Variants in SLC30A2 observed in about 807,000 individuals in gnomAD.
SLC30A2 encodes proton-coupled zinc antiporter SLC30A2.
A neutral mutation model predicts 39.6 loss-of-function variants in SLC30A2; 19 were observed. The ratio of observed to expected loss-of-function variants is 0.48; its 90% CI spans 0.34 to 0.70. The LOEUF (loss-of-function observed/expected upper bound fraction) is 0.70. SLC30A2 is among the 30% of genes least tolerant of loss of function. The pLI is 0.01. For synonymous variants in SLC30A2, 195 were observed against 194.8 expected (o/e 1.00, Z -0.01); for missense variants, 387 against 479.4 (o/e 0.81, Z 1.80).
rs187910480 is a variant in SLC30A2 at position 26,040,537 on chromosome 1, C to T, written c.839-626G>A. ...GTGCTGGGATTACAGGTGTGAGCCA[C>T]CGCACCTGGCCAATAAATATATTTT... On this transcript the variant is annotated intron_variant, in intron 6 of 7. Coordinates refer to ENST00000374276, the MANE Select transcript of SLC30A2 (RefSeq NM_001004434.3). 1.3e-4 allele frequency among the ~76,000 whole-genome samples: 20 copies of T among 152,248 alleles called. No homozygotes were observed. The East Asian group carries it at 3.7e-3, about 28-fold the overall frequency.
At chr1:26,042,762 C>T in intron 4 of SLC30A2, 54 bp from the exon 5 acceptor site, 2 of 1,538,932 alleles carry the variant, frequency 1.3e-6, no homozygotes, top group Non-Finnish European at 1.8e-6. Flanking sequence ...ATGGAGGTCA[C>T]CTATTAGGAC....
At chr1:26,042,772 C>T in intron 4 of SLC30A2, 64 bp from the exon 5 acceptor site, 2 of 1,486,656 alleles carry the variant, frequency 1.3e-6, no homozygotes, top group Non-Finnish European at 1.9e-6. Context: ...CCTATTAGGA[C>T]TAGCCAACTT....
Position 26,039,703 on chromosome 1 carries a change from TG to T in SLC30A2, c.973+73del. ...GGCACTGTGAGCATCTGGGGTCACC[TG>T]GACCCGTTGGGGATGGCACTAGGCC... is the stretch of plus-strand genomic sequence containing the variant. On this transcript the variant is annotated intron_variant, in intron 7 of 7. Transcript: ENST00000374276. This position sits in a 1 kb window ranked among gnomAD's most constrained non-coding sequence, Gnocchi z 4.3. The T allele has an allele frequency of 6.6e-7, 1 of 1,516,770 alleles. No individual in the cohort carries two copies. The highest frequency in any genetic ancestry group is 9.0e-7 in the Non-Finnish European group (1 of 1,113,750). The allele number at this position is 1,516,770 out of a possible 1,614,324, so 94.0% of individuals were successfully genotyped here.
chr1:26,045,564 T>A (rs1266995686), intron 1 of SLC30A2: 4 of 614,994 alleles, frequency 6.5e-6, no homozygotes, highest in Non-Finnish European at 1.1e-5. Context: ...GGGGCGGGGC[T>A]GCCTGGGGCA....
Position 26,043,505 on chromosome 1 carries a change from C to G in SLC30A2, c.465G>C (p.Thr155=), listed in dbSNP as rs537043440. Residue 155 remains threonine (T), a synonymous_variant, in exon 4 of 8, where the codon ACG becomes ACC. Transcript: ENST00000374276. The part of the protein sequence containing the change: ...LVSVLSIWVV[T]GVLVYLAVER... ...CCACAGCCAGGTACACCAGTACCCC[C>G]GTCACGACCCAGATGGACAGTACAG... The G allele has an allele frequency of 5.6e-5, 90 of 1,613,924 alleles. 2 individuals are homozygous for G. In the East Asian group the frequency reaches 1.9e-3, roughly 35 times the overall value.
In SLC30A2 at chr1:26,042,587, T is replaced by A. The variant is rs144129605; in HGVS notation, c.694A>T (p.Met232Leu). The change falls in exon 5 of 8, where the codon ATG (methionine) becomes TTG (leucine). Residue 232 changes from methionine to leucine, a missense_variant. By Grantham distance (15) the Met-to-Leu change is conservative. Coordinates refer to ENST00000374276, the MANE Select transcript of SLC30A2 (RefSeq NM_001004434.3). ...IHVIGDFMQS[M>L]GVLVAAYILY... ...ATATAGGCTGCCACTAGGACACCCA[T>A]GCTCTGCATAAAGTCGCCGATCACA... 3 of 1,614,194 alleles carry A rather than the reference T, an allele frequency of 1.9e-6. No homozygotes were observed. The highest frequency in any genetic ancestry group is 2.5e-6 in the Non-Finnish European group (3 of 1,180,016).
intron 6 of SLC30A2, 100 bp downstream of exon 6, chr1:26,041,600 C>T (rs551841355): frequency 6.8e-6 from 5 of 733,248 alleles, no homozygotes; most frequent in African/African-American, 1.8e-5. Flanking sequence ...CCTGGCTCCC[C>T]GCCCATGTGC....
At position 26,045,926 on chromosome 1, in the gene SLC30A2, G is replaced by T. The variant is rs958015775; in HGVS notation, c.-30C>A. On this transcript the variant is annotated 5_prime_UTR_variant, in exon 1 of 8. Transcript: ENST00000374276. ...TCCCGCGCCGAGTCCCGGCAGCCGC[G>T]CAGCCGCCCCGCCGAGTGCGCCCTG... 3.7e-6 allele frequency: 6 copies of T among 1,605,668 alleles called. No individual in the cohort carries two copies. In the Admixed American group the frequency reaches 1.0e-4, roughly 27 times the overall value.
At position 26,042,675 on chromosome 1, in the gene SLC30A2, C is replaced by T; in HGVS notation, c.606G>A (p.Gly202=). Residue 202 remains glycine, a synonymous_variant, in exon 5 of 8, where the codon GGG becomes GGA. Coordinates refer to ENST00000374276, the MANE Select transcript of SLC30A2 (RefSeq NM_001004434.3). Reference sequence around the variant, plus strand: ...GCTGGTTGGTGGTGCCGTGGCTGTGCCCATGGCCAGACTGGTGAAGGGTCA... The same window carrying T: ...GCTGGTTGGTGGTGCCGTGGCTGTGTCCATGGCCAGACTGGTGAAGGGTCA... ...MGLTLHQSGH[G]HSHGTTNQQE... is the part of the protein sequence containing the mutation. The T allele has an allele frequency of 1.2e-6, 2 of 1,614,102 alleles. No individual in the cohort carries two copies. Among genetic ancestry groups the T allele is most frequent in the Non-Finnish European group, 8.5e-7 (1 of 1,179,990 alleles).
At chr1:26,040,025 T>TGAGG in intron 6 of SLC30A2, 114 bp from the exon 7 acceptor site, 1 of 1,196,934 alleles carries the variant, frequency 8.4e-7, no homozygotes, top group Non-Finnish European at 1.2e-6. Context: ...AAGACCTCTT[T>TGAGG]GGCCTGCAGG....
rs3008214 is a variant in SLC30A2 at position 26,037,273 on chromosome 1, A to T, written c.*1887T>A. 2.8e-5 allele frequency: 4 copies of T among 142,678 alleles called. No individual in the cohort carries two copies. Among genetic ancestry groups the T allele is most frequent in the African/African-American group, 8.0e-5 (3 of 37,446 alleles). The allele number at this position is 142,678 out of a possible 1,614,324, so 8.8% of individuals were successfully genotyped here. On this transcript the variant is annotated 3_prime_UTR_variant, in exon 8 of 8. Transcript: ENST00000374276. ...TTTTAAGCTGGAGTCTCGCTCTGTC[A>T]CCCAGGCTGGAGTGCAGTGGTGTGA...
At position 26,042,655 on chromosome 1, in the gene SLC30A2, T is replaced by C; in HGVS notation, c.626A>G (p.Asn209Ser). The C allele has an allele frequency of 1.2e-6, 2 of 1,614,148 alleles. No individual in the cohort carries two copies. Among genetic ancestry groups the C allele is most frequent in the Non-Finnish European group, 1.7e-6 (2 of 1,180,016 alleles). Reference protein sequence around the residue: ...SGHGHSHGTTNQQEENPSVRA... With the variant: ...SGHGHSHGTTSQQEENPSVRA... ...GACGCTGGGGTTCTCCTCCTGCTGG[T>C]TGGTGGTGCCGTGGCTGTGCCCATG... The change falls in exon 5 of 8, where the codon AAC (asparagine) becomes AGC (serine). Residue 209 changes from asparagine to serine, a missense_variant. Transcript: ENST00000374276.
At chr1:26,045,314 G>A (rs2050449111) in intron 1 of SLC30A2, 97 bp from the exon 2 acceptor site, 3 of 975,608 alleles carry the variant, frequency 3.1e-6, no homozygotes, top group Admixed American at 4.6e-5. Flanking sequence ...TGTCCACTGG[G>A]AAAAATAGCT....
intron 6 of SLC30A2, among the ~76,000 whole-genome samples, chr1:26,040,458 A>T (rs944402772): frequency 2.0e-5 from 3 of 152,096 alleles, no homozygotes; most frequent in African/African-American, 7.2e-5. Flanking sequence ...TGTGTTAGCC[A>T]GGCTGGTCTT....
In SLC30A2 at chr1:26,038,387, G is replaced by A. The variant is rs1337477058; in HGVS notation, c.*773C>T. 1.3e-5 allele frequency: 2 copies of A among 152,268 alleles called. No homozygotes were observed. The highest frequency in any genetic ancestry group is 4.8e-5 in the African/African-American group (2 of 41,446). 9.4% of individuals were successfully genotyped at this position (152,268 alleles called of 1,614,324 possible). On this transcript the variant is annotated 3_prime_UTR_variant, in exon 8 of 8. Transcript: ENST00000374276. ...GTCAGGCCAGGTAGGCAACAGAGTTGGCCCAGCCATATCTTTCTGGAGACT... is the reference window on the plus strand; with the variant it reads ...GTCAGGCCAGGTAGGCAACAGAGTTAGCCCAGCCATATCTTTCTGGAGACT...
Position 26,045,581 on chromosome 1 carries a change from T to C in SLC30A2, c.50+266A>G, listed in dbSNP as rs1004545646. On this transcript the variant is annotated intron_variant, in intron 1 of 7. Coordinates refer to ENST00000374276, the MANE Select transcript of SLC30A2 (RefSeq NM_001004434.3). ...GGCGGGGCTGCCTGGGGCAAAGTGCTGGGCGGGGCGGGACTCCAGGCATGG... is the reference window on the plus strand; with the variant it reads ...GGCGGGGCTGCCTGGGGCAAAGTGCCGGGCGGGGCGGGACTCCAGGCATGG... 19 of 640,426 alleles carry C rather than the reference T, an allele frequency of 3.0e-5. No individual in the cohort carries two copies. The Admixed American group carries it at 3.5e-4, about 12-fold the overall frequency. 39.7% of individuals were successfully genotyped at this position (640,426 alleles called of 1,614,324 possible). A position where few individuals can be genotyped will look rare whatever the true frequency, so the allele number is the denominator to read the frequency against.
At position 26,039,031 on chromosome 1, in the gene SLC30A2, C is replaced by G; in HGVS notation, c.*129G>C. ...GAAGAGCTCCATTCCTGGAGTGGGGCAGAGGTCAGGAGGGGGACCTGGTTT... is the reference window on the plus strand; with the variant it reads ...GAAGAGCTCCATTCCTGGAGTGGGGGAGAGGTCAGGAGGGGGACCTGGTTT... On this transcript the variant is annotated 3_prime_UTR_variant, in exon 8 of 8. Transcript: ENST00000374276. This position sits in a 1 kb window ranked among gnomAD's most constrained non-coding sequence, Gnocchi z 4.3. 1 of 1,454,138 alleles carries G rather than the reference C, an allele frequency of 6.9e-7. No individual in the cohort carries two copies. Among genetic ancestry groups the G allele is most frequent in the Non-Finnish European group, 9.1e-7 (1 of 1,100,920 alleles). The allele number at this position is 1,454,138 out of a possible 1,614,324, so 90.1% of individuals were successfully genotyped here.
At chr1:26,042,461 A>T in intron 5 of SLC30A2, 88 bp downstream of exon 5, 1 of 1,209,680 alleles carries the variant, frequency 8.3e-7, no homozygotes, top group Non-Finnish European at 1.2e-6. Flanking sequence ...GGAGGGAGCT[A>T]GAATCTGAAA....
chr1:26,043,490 G>C lies in SLC30A2; in HGVS notation c.480C>G (p.Tyr160Ter). The change falls in exon 4 of 8, where the codon TAC becomes TAG. Residue 160 changes from tyrosine to a stop codon, truncating the protein, a stop_gained. Coordinates refer to ENST00000374276, the MANE Select transcript of SLC30A2 (RefSeq NM_001004434.3). LOFTEE classifies it high-confidence loss of function. ...CAGAGATCAGCCGCTCCACAGCCAG[G>C]TACACCAGTACCCCCGTCACGACCC... is the stretch of plus-strand genomic sequence containing the variant. ...SIWVVTGVLV[Y>*]LAVERLISGD... The C allele has an allele frequency of 1.9e-6, 3 of 1,614,062 alleles. No individual in the cohort carries two copies. The highest frequency in any genetic ancestry group is 2.5e-6 in the Non-Finnish European group (3 of 1,179,996).
Sources: allele counts gnomAD v4.1 joint callset (sites outside exome capture counted in the v4.1 genomes callset), GRCh38; gene constraint gnomAD v4.1.1; non-coding constraint Gnocchi (gnomAD v3.1); transcripts MANE v1.5; gene names NCBI Gene and HGNC (gene_info 2026-07-23, HGNC 2026-07-21).